MEI4: variants seen among roughly 807,000 people sequenced by gnomAD.
The protein encoded by MEI4 is meiotic double-stranded break formation protein 4.
MEI4 carries 27 observed loss-of-function variants against 31.4 expected under a neutral mutation model. The observed-to-expected ratio is 0.86, with a 90% CI of 0.63 to 1.19. The LOEUF (loss-of-function observed/expected upper bound fraction) is 1.19. MEI4 is among the 50% of genes most tolerant of loss of function. MEI4 has a pLI of 0.00. For synonymous variants in MEI4, 122 were observed against 145.4 expected (o/e 0.84, Z 1.16); for missense variants, 329 against 398.9 (o/e 0.82, Z 1.49).
chr6:77,753,913 G>T (rs939609172), intron 2 of MEI4, among the ~76,000 whole-genome samples: 2 of 152,034 alleles, frequency 1.3e-5, no homozygotes, highest in Non-Finnish European at 2.9e-5. Flanking sequence ...ATGGAATACT[G>T]TGCAGCCATG....
intron 2 of MEI4, among the ~76,000 whole-genome samples, chr6:77,731,151 G>C (rs1290383976): frequency 1.3e-5 from 2 of 151,756 alleles, no homozygotes; most frequent in South Asian, 4.2e-4. Flanking sequence ...CCAGTAATGG[G>C]ATGGCTGGGT....
At chr6:77,830,588 T>C (rs1206385054) in intron 4 of MEI4, among the ~76,000 whole-genome samples, 1 of 152,002 alleles carries the variant, frequency 6.6e-6, no homozygotes, top group Non-Finnish European at 1.5e-5. Context: ...CAATAACTAG[T>C]GTCAGGCAGG....
chr6:77,697,847 T>C (rs184676590), intron 2 of MEI4, among the ~76,000 whole-genome samples: 1 of 152,280 alleles, frequency 6.6e-6, no homozygotes, highest in African/African-American at 2.4e-5. Flanking sequence ...TCATGATCTG[T>C]CTAATGTTGA....
chr6:77,730,324 C>G (rs1156381578), intron 2 of MEI4, among the ~76,000 whole-genome samples: 1 of 152,090 alleles, frequency 6.6e-6, no homozygotes, highest in Non-Finnish European at 1.5e-5. Flanking sequence ...ATTGTATCAC[C>G]ATGACTTTGA....
At chr6:77,876,914 GA>G (rs1771355175) in intron 4 of MEI4, among the ~76,000 whole-genome samples, 1 of 152,040 alleles carries the variant, frequency 6.6e-6, no homozygotes, top group Admixed American at 6.6e-5. Context: ...GAAGGAAAAG[GA>G]GGGAAAAAAA....
intron 2 of MEI4, among the ~76,000 whole-genome samples, chr6:77,725,085 CA>C (rs1766791151): frequency 9.1e-6 from 1 of 110,026 alleles, no homozygotes; most frequent in South Asian, 3.0e-4. Context: ...AATTCTTTTC[CA>C]ATCTTTTAGA....
chr6:77,875,141 A>AG (rs1477787271), intron 4 of MEI4, among the ~76,000 whole-genome samples: 6 of 152,132 alleles, frequency 3.9e-5, no homozygotes, highest in South Asian at 2.1e-4. Context: ...AGCTTCCTTG[A>AG]GGGTCCCATC....
chr6:77,898,651 C>G (rs1021443709), intron 4 of MEI4, among the ~76,000 whole-genome samples: 1 of 152,000 alleles, frequency 6.6e-6, no homozygotes, highest in Admixed American at 6.6e-5. Flanking sequence ...CTCTGTATGT[C>G]CTTGGCTAGT....
chr6:77,776,897 A>T (rs1390879177), intron 3 of MEI4, among the ~76,000 whole-genome samples: 1 of 152,204 alleles, frequency 6.6e-6, no homozygotes. Context: ...TTTGAATAGC[A>T]TTAGGATAAT....
rs536357374 is a variant in MEI4, at chr6:77,698,870, C to G, written c.232+7967C>G. Among the ~76,000 whole-genome samples, 17 of 152,324 alleles carry G rather than the reference C, an allele frequency of 1.1e-4. No individual in the cohort carries two copies. The South Asian group carries it at 3.3e-3, about 30-fold the overall frequency. On this transcript the variant is annotated intron_variant, in intron 2 of 4. Coordinates refer to ENST00000684080, the MANE Select transcript of MEI4 (RefSeq NM_001322247.2). ...TAATATCCTGCAGAGTGTTTTCCAACTTGGTTCCATTCTCCCGGTCACTTT... is the reference window on the plus strand; with the variant it reads ...TAATATCCTGCAGAGTGTTTTCCAAGTTGGTTCCATTCTCCCGGTCACTTT...
At chr6:77,897,306 T>C (rs571838450) in intron 4 of MEI4, among the ~76,000 whole-genome samples, 3 of 152,130 alleles carry the variant, frequency 2.0e-5, no homozygotes, top group African/African-American at 7.2e-5. Context: ...TTTCAGTAGA[T>C]GTTTGTGTCA....
intron 1 of MEI4, among the ~76,000 whole-genome samples, chr6:77,655,965 C>A (rs1478713820): frequency 6.6e-6 from 1 of 152,160 alleles, no homozygotes; most frequent in Non-Finnish European, 1.5e-5. Flanking sequence ...GCATAGCCTT[C>A]ATTTAAGTCA....
rs77760957 is a variant in MEI4, at chr6:77,847,889, A to T, written c.900+18827A>T. Among the ~76,000 whole-genome samples the T allele has an allele frequency of 2.3e-4, 35 of 152,324 alleles. 2 individuals are homozygous for T. The East Asian group carries it at 3.7e-3, about 16-fold the overall frequency. On this transcript the variant is annotated intron_variant, in intron 4 of 4. Coordinates refer to ENST00000684080, the MANE Select transcript of MEI4 (RefSeq NM_001322247.2). This position sits in a 1 kb window ranked among gnomAD's most constrained non-coding sequence, Gnocchi z 4.6. ...ATAACTCTTACTGACCCTGAAACTC[A>T]CATTACTTGTTTTCCAAGCTGTAAT...
At chr6:77,715,545 G>C (rs1215972652) in intron 2 of MEI4, among the ~76,000 whole-genome samples, 2 of 152,110 alleles carry the variant, frequency 1.3e-5, no homozygotes, top group African/African-American at 4.8e-5. Context: ...TTTTTTGGCT[G>C]TGCTTCTTTT....
intron 2 of MEI4, among the ~76,000 whole-genome samples, chr6:77,741,890 A>T (rs1459326574): frequency 1.3e-5 from 2 of 150,056 alleles, no homozygotes; most frequent in African/African-American, 4.9e-5. Context: ...TGTCCTTGTG[A>T]CAGTTTACTG....
At chr6:77,843,705 TTCA>T (rs1770415735) in intron 4 of MEI4, among the ~76,000 whole-genome samples, 1 of 151,992 alleles carries the variant, frequency 6.6e-6, no homozygotes, top group Non-Finnish European at 1.5e-5. Context: ...ACTTTCTAAT[TTCA>T]GAAGACATTT....
At chr6:77,697,746 G>C (rs1766089814) in intron 2 of MEI4, among the ~76,000 whole-genome samples, 1 of 151,722 alleles carries the variant, frequency 6.6e-6, no homozygotes, top group East Asian at 1.9e-4. Flanking sequence ...ATATTCTGTT[G>C]ATTTGGGGTG....
chr6:77,754,524 C>A (rs1027664602), intron 2 of MEI4, among the ~76,000 whole-genome samples: 1 of 152,116 alleles, frequency 6.6e-6, no homozygotes, highest in Non-Finnish European at 1.5e-5. Flanking sequence ...TCTTGTGTAC[C>A]CTCAGAATGG....
chr6:77,915,964 A>G (rs1197874103), intron 4 of MEI4, among the ~76,000 whole-genome samples: 1 of 151,582 alleles, frequency 6.6e-6, no homozygotes, highest in Non-Finnish European at 1.5e-5. Flanking sequence ...TCATTCTGTC[A>G]TCTTTATTTT....
Sources: allele counts gnomAD v4.1 joint callset (sites outside exome capture counted in the v4.1 genomes callset), GRCh38; gene constraint gnomAD v4.1.1; non-coding constraint Gnocchi (gnomAD v3.1); transcripts MANE v1.5; gene names NCBI Gene and HGNC (gene_info 2026-07-23, HGNC 2026-07-21).